CDKAL1: variants seen among roughly 807,000 people sequenced by gnomAD.
The protein encoded by CDKAL1 is threonylcarbamoyladenosine tRNA methylthiotransferase.
CDKAL1 carries 32 observed loss-of-function variants against 68.2 expected under a neutral mutation model. That is an observed-to-expected ratio of 0.47 (90% CI 0.35 to 0.63). The LOEUF (loss-of-function observed/expected upper bound fraction) is 0.63, where lower values mean the gene tolerates loss of function less well. Among genes scored for constraint, CDKAL1 ranks in the 30% least tolerant of loss-of-function variants. The probability of loss-of-function intolerance (pLI) is 0.00; values close to 1 mark genes in which losing one functional copy is unlikely to be tolerated. For synonymous variants in CDKAL1, 234 were observed against 244.3 expected, an observed-to-expected ratio of 0.96 and a Z score of 0.39; for missense variants, 606 against 696.7, an observed-to-expected ratio of 0.87 and a Z score of 1.47.
chr6:20,585,909 T>C (rs1765335646), intron 4 of CDKAL1, among the ~76,000 whole-genome samples: 1 of 152,180 alleles, frequency 6.6e-6, no homozygotes, highest in African/African-American at 2.4e-5. Context: ...CATCTGAATT[T>C]GGATCTTTAA....
chr6:21,074,347 G>C (rs1771952463), intron 12 of CDKAL1, among the ~76,000 whole-genome samples: 1 of 152,110 alleles, frequency 6.6e-6, no homozygotes. Context: ...AAAGGACTAA[G>C]TCATATTGGA....
At chr6:21,129,743 T>C (rs990972490) in intron 13 of CDKAL1, among the ~76,000 whole-genome samples, 2 of 119,974 alleles carry the variant, frequency 1.7e-5, no homozygotes, top group Non-Finnish European at 3.6e-5. Flanking sequence ...CTAGATATAA[T>C]ACAAAATAAA....
In CDKAL1 at chr6:20,733,480, G is replaced by T. The variant is rs111533243; in HGVS notation, c.372-6039G>T. 3.3e-3 allele frequency among the ~76,000 whole-genome samples: 502 copies of T among 152,312 alleles called. 2 individuals are homozygous for T. The highest frequency in any genetic ancestry group is 0.011 in the African/African-American group (476 of 41,554). On this transcript the variant is annotated intron_variant, in intron 5 of 15. Transcript: ENST00000274695. ...TTTATTCCAGTGCACCATGACACCC[G>T]GCTATTTGAAGCCTTTAGTGTAAAA... is the stretch of plus-strand genomic sequence containing the variant.
intron 5 of CDKAL1, among the ~76,000 whole-genome samples, chr6:20,700,584 G>C (rs894273572): frequency 6.6e-6 from 1 of 152,134 alleles, no homozygotes; most frequent in Non-Finnish European, 1.5e-5. Flanking sequence ...GGCCTGACCT[G>C]TGACAGGTCT....
chr6:21,110,275 TTACC>T (rs1774056111), intron 13 of CDKAL1, among the ~76,000 whole-genome samples: 1 of 152,200 alleles, frequency 6.6e-6, no homozygotes, highest in African/African-American at 2.4e-5. Flanking sequence ...TTAGTAGCCT[TTACC>T]TACTTTTCTA....
chr6:21,197,659 G>T (rs1042574654), intron 13 of CDKAL1, among the ~76,000 whole-genome samples: 3 of 152,108 alleles, frequency 2.0e-5, no homozygotes, highest in Non-Finnish European at 4.4e-5. Flanking sequence ...GCTTGTTCTG[G>T]CTTGTTTTGC....
chr6:21,224,914 A>G lies in CDKAL1; in HGVS notation c.1549-5934A>G, dbSNP rs190566441. 1.1e-4 allele frequency among the ~76,000 whole-genome samples: 16 copies of G among 152,322 alleles called. No individual in the cohort carries two copies. The East Asian group carries it at 3.1e-3, about 29-fold the overall frequency. On this transcript the variant is annotated intron_variant, in intron 15 of 15. Transcript: ENST00000274695. ...TACTTGTCAGTCTAATAAGAAATGT[A>G]AGAATAGGTAAATGGCAGTTCATAT...
Position 20,622,295 on chromosome 6 carries a change from C to A in CDKAL1, c.287-26998C>A, listed in dbSNP as rs185735668. On this transcript the variant is annotated intron_variant, in intron 4 of 15. Coordinates refer to ENST00000274695, the MANE Select transcript of CDKAL1 (RefSeq NM_017774.3). ...TTTTTTATACACAAGTTTCCCCTACCCCAAGGAAAAAATTCTTCATGGTTA... is the reference window on the plus strand; with the variant it reads ...TTTTTTATACACAAGTTTCCCCTACACCAAGGAAAAAATTCTTCATGGTTA... Among the ~76,000 whole-genome samples the A allele has an allele frequency of 9.8e-4, 149 of 151,912 alleles. 1 individual carries two copies. Among genetic ancestry groups the A allele is most frequent in the Admixed American group, 7.3e-3 (111 of 15,240 alleles).
At chr6:20,659,608 G>A (rs1769191790) in intron 5 of CDKAL1, among the ~76,000 whole-genome samples, 1 of 152,104 alleles carries the variant, frequency 6.6e-6, no homozygotes, top group Non-Finnish European at 1.5e-5. Context: ...TTTGGATATT[G>A]TCTGTATGCT....
At chr6:20,901,699 A>AAAAAAAAAAAAAAAAG (rs1554137984) in intron 9 of CDKAL1, among the ~76,000 whole-genome samples, 12 of 75,930 alleles carry the variant, frequency 1.6e-4, no homozygotes, top group Non-Finnish European at 2.1e-4. Flanking sequence ...AAAAAAAAAA[A>AAAAAAAAAAAAAAAAG]AAAAGAAAAG....
At chr6:21,114,105 G>A (rs530433515) in intron 13 of CDKAL1, among the ~76,000 whole-genome samples, 188 of 151,846 alleles carry the variant, frequency 1.2e-3, no homozygotes, top group Non-Finnish European at 2.4e-3. Context: ...AAAATTAGCC[G>A]GGCGTGGTGG....
intron 9 of CDKAL1, among the ~76,000 whole-genome samples, chr6:20,893,149 T>C (rs1005741742): frequency 4.6e-5 from 7 of 152,212 alleles, no homozygotes; most frequent in Non-Finnish European, 7.3e-5. Flanking sequence ...TAATAGCTGG[T>C]ATTTTTGACT....
At chr6:21,059,098 A>ACCACTGGCTGGAGTTGGTGAAATTCC (rs1770998010) in intron 11 of CDKAL1, among the ~76,000 whole-genome samples, 1 of 152,100 alleles carries the variant, frequency 6.6e-6, no homozygotes, top group Admixed American at 6.5e-5. Flanking sequence ...TTCTCTGTAA[A>ACCACTGGCTGGAGTTGGTGAAATTCC]CCACTGGCTG....
intron 5 of CDKAL1, among the ~76,000 whole-genome samples, chr6:20,683,816 C>T (rs970817385): frequency 6.6e-6 from 1 of 152,154 alleles, no homozygotes; most frequent in Non-Finnish European, 1.5e-5. Flanking sequence ...ATGTATCCAC[C>T]ATTATTGTAT....
At chr6:20,665,921 T>A (rs1410574611) in intron 5 of CDKAL1, among the ~76,000 whole-genome samples, 1 of 151,362 alleles carries the variant, frequency 6.6e-6, no homozygotes, top group Non-Finnish European at 1.5e-5. Flanking sequence ...CTAGCACCTC[T>A]GACTTCGGCC....
At position 20,881,611 on chromosome 6, in the gene CDKAL1, G is replaced by C. The variant is rs528203365; in HGVS notation, c.742+35433G>C. ...TGTAGCTTTTTAGTTGATTCTTTGGGCTTTCTAGGTAAGCAACCATATTAT... is the reference window on the plus strand; with the variant it reads ...TGTAGCTTTTTAGTTGATTCTTTGGCCTTTCTAGGTAAGCAACCATATTAT... On this transcript the variant is annotated intron_variant, in intron 9 of 15. Coordinates refer to ENST00000274695, the MANE Select transcript of CDKAL1 (RefSeq NM_017774.3). 9.2e-5 allele frequency among the ~76,000 whole-genome samples: 14 copies of C among 152,156 alleles called. No individual in the cohort carries two copies. The South Asian group carries it at 2.7e-3, about 29-fold the overall frequency.
chr6:20,579,041 A>C (rs1765030649), intron 4 of CDKAL1, among the ~76,000 whole-genome samples: 1 of 152,144 alleles, frequency 6.6e-6, no homozygotes. Context: ...GCAGCAGCGC[A>C]ATCTCGGCTC....
intron 5 of CDKAL1, among the ~76,000 whole-genome samples, chr6:20,682,972 A>G: frequency 7.8e-6 from 1 of 127,492 alleles, no homozygotes; most frequent in East Asian, 2.2e-4. Context: ...TTTTTTTTAG[A>G]GACAGGGTCT....
intron 8 of CDKAL1, among the ~76,000 whole-genome samples, chr6:20,827,956 A>G (rs1777566704): frequency 2.0e-5 from 3 of 152,144 alleles, no homozygotes; most frequent in Admixed American, 6.5e-5. Context: ...ACAGAATTTA[A>G]AATTGCATAA....
Sources: gnomAD v4.1 joint callset for allele counts (sites outside exome capture counted in the v4.1 genomes callset) on GRCh38, gnomAD v4.1.1 for gene constraint, MANE v1.5 for transcripts, NCBI Gene and HGNC (gene_info 2026-07-23, HGNC 2026-07-21) for gene names.